The following ARHGAP15 variants were observed in gnomAD, a reference collection of about 807,000 sequenced individuals.
ARHGAP15 encodes the protein Rho GTPase activating protein 15, also known as rho GTPase-activating protein 15.
In ARHGAP15, 51 loss-of-function variants were observed where a neutral mutation model predicts 63.7. The observed-to-expected ratio is 0.80, with a 90% CI of 0.64 to 1.01. The LOEUF (loss-of-function observed/expected upper bound fraction) is 1.01. Among genes scored for constraint, ARHGAP15 ranks in the 50% least tolerant of loss-of-function variants. The probability of loss-of-function intolerance (pLI) is 0.00; values close to 1 mark genes in which losing one functional copy is unlikely to be tolerated. For missense variants in ARHGAP15, 560 were observed against 564.6 expected (o/e 0.99, Z 0.08); for synonymous variants, 191 against 193.8 (o/e 0.99, Z 0.12).
At chr2:143,178,116 G>A (rs1174591731) in intron 2 of ARHGAP15, among the ~76,000 whole-genome samples, 2 of 152,258 alleles carry the variant, frequency 1.3e-5, no homozygotes, top group East Asian at 1.9e-4. Flanking sequence ...CAAAGCAAAC[G>A]AAGCCTCTGC....
Position 143,444,452 on chromosome 2 carries a change from C to T in ARHGAP15, c.703+7410C>T, listed in dbSNP as rs528870589. ...TTTAAAGAATCTTTGCTAAAGCTGA[C>T]ATTTAAGCATTTAAGGTGTTTGTAC... On this transcript the variant is annotated intron_variant, in intron 8 of 13. Transcript: ENST00000295095. Among the ~76,000 whole-genome samples the T allele has an allele frequency of 2.9e-4, 44 of 152,260 alleles. 2 individuals carry two copies. The South Asian group carries it at 8.3e-3, about 29-fold the overall frequency.
intron 12 of ARHGAP15, among the ~76,000 whole-genome samples, chr2:143,679,506 A>G (rs1242734754): frequency 6.6e-6 from 1 of 152,160 alleles, no homozygotes; most frequent in Non-Finnish European, 1.5e-5. Flanking sequence ...AGGAAAATCT[A>G]TTTCCTTTTT....
chr2:143,691,933 T>TA (rs1683618873), intron 12 of ARHGAP15, among the ~76,000 whole-genome samples: 1 of 152,228 alleles, frequency 6.6e-6, no homozygotes, highest in African/African-American at 2.4e-5. Flanking sequence ...AATTTTAAGC[T>TA]ATTATTGCCA....
At chr2:143,654,775 T>C (rs1681349276) in intron 12 of ARHGAP15, among the ~76,000 whole-genome samples, 1 of 152,196 alleles carries the variant, frequency 6.6e-6, no homozygotes, top group South Asian at 2.1e-4. Context: ...TATTGTGATA[T>C]TATCCAGTAA....
intron 9 of ARHGAP15, among the ~76,000 whole-genome samples, chr2:143,503,995 C>T (rs1294033836): frequency 6.6e-6 from 1 of 152,136 alleles, no homozygotes; most frequent in Non-Finnish European, 1.5e-5. Context: ...GGGGAAATTA[C>T]ACATGGAAAA....
Position 143,436,965 on chromosome 2 carries a change from G to A in ARHGAP15, c.626G>A (p.Arg209Lys). The change falls in exon 8 of 14, where the codon AGA (arginine) becomes AAA (lysine). Residue 209 changes from arginine to lysine, a missense_variant. Physicochemically the swap from Arg to Lys is conservative, Grantham distance 26. Transcript: ENST00000295095. ...AACCTGGAATTATTCAAAATCCAAA[G>A]ATCCTCTAGCACTGAATTGCTAAGT... ...SRNLELFKIQ[R>K]SSSTELLSHY... 6.2e-7 allele frequency: 1 copy of A among 1,611,576 alleles called. No homozygotes were observed. The highest frequency in any genetic ancestry group is 8.5e-7 in the Non-Finnish European group (1 of 1,179,230).
chr2:143,676,793 CAG>C (rs1034985141), intron 12 of ARHGAP15, among the ~76,000 whole-genome samples: 1 of 152,066 alleles, frequency 6.6e-6, no homozygotes, highest in African/African-American at 2.4e-5. Context: ...AAATGTGACA[CAG>C]AGACACAAAA....
At chr2:143,698,936 G>A (rs539862989) in intron 12 of ARHGAP15, among the ~76,000 whole-genome samples, 49 of 152,214 alleles carry the variant, frequency 3.2e-4, no homozygotes, top group African/African-American at 1.0e-3. Context: ...AACCTTCAGC[G>A]CTTCATAATG....
In ARHGAP15 at chr2:143,704,431, G is replaced by A. The variant is rs527864934; in HGVS notation, c.1244+907G>A. ...GATCAGGCTGGACTTGCTGCTGGTT[G>A]GGATACCATTGGGAAAGGAAAGGAG... On this transcript the variant is annotated intron_variant, in intron 13 of 13. Transcript: ENST00000295095. Among the ~76,000 whole-genome samples, 41 of 152,206 alleles carry A rather than the reference G, an allele frequency of 2.7e-4. No individual in the cohort carries two copies. In the Middle Eastern group the frequency reaches 0.017, roughly 63 times the overall value.
At chr2:143,667,506 C>G (rs2105340409) in intron 12 of ARHGAP15, among the ~76,000 whole-genome samples, 1 of 147,246 alleles carries the variant, frequency 6.8e-6, no homozygotes, top group Non-Finnish European at 1.5e-5. Flanking sequence ...ACCAGCATGG[C>G]ACATGTATAC....
In ARHGAP15 at chr2:143,413,927, TTGTGTGTGTGTGTG is replaced by T. The variant is rs1553476588; in HGVS notation, c.475-21647_475-21634del. ...AGTGCCCTAGATGGAAGGTAGGTAG[TTGTGTGTGTGTGTG>T]TGTGTGTGTGTGTGTGTGTGTGTGT... On this transcript the variant is annotated intron_variant, in intron 6 of 13. Coordinates refer to ENST00000295095, the MANE Select transcript of ARHGAP15 (RefSeq NM_018460.4). Among the ~76,000 whole-genome samples the T allele has an allele frequency of 1.7e-3, 217 of 128,046 alleles. 2 individuals are homozygous for T. The highest frequency in any genetic ancestry group is 5.9e-3 in the African/African-American group (187 of 31,924). The allele number at this position is 128,046 out of a possible 152,430, so 84.0% of individuals were successfully genotyped here. A position where few individuals can be genotyped will look rare whatever the true frequency, so the allele number is the denominator to read the frequency against.
intron 10 of ARHGAP15, among the ~76,000 whole-genome samples, chr2:143,537,556 T>C (rs887600130): frequency 6.6e-6 from 1 of 152,244 alleles, no homozygotes; most frequent in Non-Finnish European, 1.5e-5. Flanking sequence ...AATTTTTGTA[T>C]AAAGTGTAAG....
chr2:143,195,479 G>GATTAACTGTAAA (rs762107516), intron 2 of ARHGAP15, among the ~76,000 whole-genome samples: 3 of 151,876 alleles, frequency 2.0e-5, no homozygotes, highest in Non-Finnish European at 4.4e-5. Flanking sequence ...AAAATTAGAA[G>GATTAACTGTAAA]ATTAACTGTA....
chr2:143,250,615 T>C lies in ARHGAP15; in HGVS notation c.474+15T>C. On this transcript the variant is annotated intron_variant, in intron 6 of 13. Coordinates refer to ENST00000295095, the MANE Select transcript of ARHGAP15 (RefSeq NM_018460.4). The stretch of plus-strand genomic sequence containing the variant: ...ATGTCTTTCAGGTAAGAATGTTACA[T>C]ATATTCAATTTATTCCTATTCTCTC... 6.3e-7 allele frequency: 1 copy of C among 1,598,212 alleles called. No individual in the cohort carries two copies.
At chr2:143,327,053 C>T (rs192615825) in intron 6 of ARHGAP15, among the ~76,000 whole-genome samples, 2 of 152,164 alleles carry the variant, frequency 1.3e-5, no homozygotes, top group Non-Finnish European at 2.9e-5. Context: ...AGCTGATAAG[C>T]AACTTGAGCA....
At chr2:143,542,154 G>A (rs1272309672) in intron 10 of ARHGAP15, among the ~76,000 whole-genome samples, 1 of 152,200 alleles carries the variant, frequency 6.6e-6, no homozygotes, top group East Asian at 1.9e-4. Context: ...GCGAGGCTTC[G>A]TGGGCGTAGG....
chr2:143,186,237 C>T (rs960703079), intron 2 of ARHGAP15, among the ~76,000 whole-genome samples: 1 of 152,106 alleles, frequency 6.6e-6, no homozygotes, highest in Non-Finnish European at 1.5e-5. Context: ...TTAGGAATCT[C>T]TATTTAAATA....
intron 1 of ARHGAP15, among the ~76,000 whole-genome samples, chr2:143,145,762 G>A (rs1315108149): frequency 6.6e-6 from 1 of 151,710 alleles, no homozygotes; most frequent in African/African-American, 2.4e-5. Context: ...TCCAGAAACT[G>A]GTCACTTCAG....
At chr2:143,154,284 T>C (rs1352565534) in intron 1 of ARHGAP15, among the ~76,000 whole-genome samples, 1 of 151,934 alleles carries the variant, frequency 6.6e-6, no homozygotes, top group Non-Finnish European at 1.5e-5. Flanking sequence ...TTTAATTGCC[T>C]TACTGGTATT....
Sources: gnomAD v4.1 joint callset for allele counts (sites outside exome capture counted in the v4.1 genomes callset) on GRCh38, gnomAD v4.1.1 for gene constraint, MANE v1.5 for transcripts, NCBI Gene and HGNC (gene_info 2026-07-23, HGNC 2026-07-21) for gene names.